CREBZF: variants seen among roughly 807,000 people sequenced by gnomAD.
CREBZF encodes the protein HCF-binding transcription factor Zhangfei.
A neutral mutation model predicts 21.1 loss-of-function variants in CREBZF; 8 were observed. That is an observed-to-expected ratio of 0.38 (90% CI 0.22 to 0.68). The LOEUF is 0.68. Ranked by LOEUF, CREBZF falls within the 30% of genes least tolerant of loss-of-function variation. The probability of loss-of-function intolerance (pLI) is 0.51; values close to 1 mark genes in which losing one functional copy is unlikely to be tolerated. For missense variants in CREBZF, 518 were observed against 484.3 expected, an observed-to-expected ratio of 1.07 and a Z score of -0.65; for synonymous variants, 270 against 223.3, an observed-to-expected ratio of 1.21 and a Z score of -1.86.
At position 85,662,660 on chromosome 11, in the gene CREBZF, T is replaced by A; in HGVS notation, c.*1151A>T. 2 of 408,420 alleles carry A rather than the reference T, an allele frequency of 4.9e-6. No individual in the cohort carries two copies. The highest frequency in any genetic ancestry group is 8.7e-6 in the Non-Finnish European group (2 of 229,238). 25.3% of individuals were successfully genotyped at this position (408,420 alleles called of 1,614,324 possible). A position where few individuals can be genotyped will look rare whatever the true frequency, so the allele number is the denominator to read the frequency against. On this transcript the variant is annotated 3_prime_UTR_variant, in exon 1 of 1. Coordinates refer to ENST00000527447, the MANE Select transcript of CREBZF (RefSeq NM_001039618.4). ...CATTTAAGTGGCCAGAACCACTCAA[T>A]TTAAAAAATTATTTTAAAATAGGAC...
upstream of CREBZF, among the ~76,000 whole-genome samples, chr11:85,669,556 G>GA (rs1426198847): frequency 6.6e-6 from 1 of 152,016 alleles, no homozygotes; most frequent in African/African-American, 2.4e-5. Flanking sequence ...TAGCAAATAG[G>GA]AAAGTTTTAT....
At position 85,680,900 on chromosome 11, in the gene CREBZF, T is replaced by A. The variant is rs116674748; in HGVS notation, n.147+1817A>T. 6.0e-3 allele frequency among the ~76,000 whole-genome samples: 917 copies of A among 152,286 alleles called. 9 individuals carry two copies. Among genetic ancestry groups the A allele is most frequent in the African/African-American group, 0.021 (871 of 41,552 alleles). ...GGCACTATTGATGGTCCATCCAATA[T>A]CCATCCTCCATCATTCCTGCTGGCA... On this transcript the variant is annotated intron_variant and non_coding_transcript_variant, in intron 1 of 3. Transcript: ENST00000531515.
intron 1 of CREBZF, among the ~76,000 whole-genome samples, chr11:85,678,785 T>G (rs2082957262): frequency 6.6e-6 from 1 of 152,256 alleles, no homozygotes; most frequent in Non-Finnish European, 1.5e-5. Context: ...CTTCACCCAC[T>G]AAGACCTAAT....
rs559282029 is a variant in CREBZF, at chr11:85,662,997, A to G, written c.*814T>C. On this transcript the variant is annotated 3_prime_UTR_variant, in exon 1 of 1. Transcript: ENST00000527447. The stretch of plus-strand genomic sequence containing the variant: ...TGTTACTCCATTATAGACTGTTTCT[A>G]TATCTCATACTGAAAACTAAAAGGC... 4 of 161,288 alleles carry G rather than the reference A, an allele frequency of 2.5e-5. No individual in the cohort carries two copies. The highest frequency in any genetic ancestry group is 1.6e-4 in the South Asian group (1 of 6,130). The allele number at this position is 161,288 out of a possible 1,614,324, so 10.0% of individuals were successfully genotyped here.
At chr11:85,676,643 T>C (rs554917577) in intron 1 of CREBZF, among the ~76,000 whole-genome samples, 11 of 152,148 alleles carry the variant, frequency 7.2e-5, no homozygotes, top group African/African-American at 2.7e-4. Flanking sequence ...CACTTTTTTT[T>C]TCTTTTTTTT....
chr11:85,672,150 G>A (rs548850749), intron 1 of CREBZF, among the ~76,000 whole-genome samples: 1 of 152,382 alleles, frequency 6.6e-6, no homozygotes, highest in Admixed American at 6.5e-5. Context: ...CTTGGGGCTT[G>A]CACCCTCTGA....
chr11:85,664,255 T>C lies in CREBZF; in HGVS notation c.621A>G (p.Thr207=), dbSNP rs898256816. Residue 207 remains threonine (T), a synonymous_variant, in exon 1 of 1, where the codon ACA becomes ACG. Coordinates refer to ENST00000527447, the MANE Select transcript of CREBZF (RefSeq NM_001039618.4). The surrounding 1 kb of genome is among the most constrained non-coding windows in gnomAD (Gnocchi z 5.5). ...GSGNDNNQAA[T]KSPRKAAAAA... ...CCGCCGCCGCCTTCCGGGGACTCTT[T>C]GTCGCCGCCTGGTTGTTGTCGTTAC... 2.9e-5 allele frequency: 46 copies of C among 1,612,766 alleles called. No homozygotes were observed. The highest frequency in any genetic ancestry group is 3.6e-5 in the Non-Finnish European group (43 of 1,179,862).
chr11:85,682,688 T>C (rs555969608), intron 1 of CREBZF: 3 of 551,998 alleles, frequency 5.4e-6, no homozygotes, highest in Admixed American at 2.4e-5. Flanking sequence ...TAGACCACAC[T>C]CCAGTACCCG....
chr11:85,658,382 G>A lies in CREBZF; in HGVS notation c.*5429C>T, dbSNP rs192521461. Among the ~76,000 whole-genome samples the A allele has an allele frequency of 1.2e-3, 187 of 152,094 alleles. 1 individual carries two copies. Among genetic ancestry groups the A allele is most frequent in the Non-Finnish European group, 8.8e-5 (6 of 67,890 alleles). Reference sequence around the variant, plus strand: ...TAACCAAAAAGTATTTCTAATATCTGTCCTCTGCCACATATTTTTAAATTA... The same window carrying A: ...TAACCAAAAAGTATTTCTAATATCTATCCTCTGCCACATATTTTTAAATTA... On this transcript the variant is annotated 3_prime_UTR_variant, in exon 1 of 1. Coordinates refer to ENST00000527447, the MANE Select transcript of CREBZF (RefSeq NM_001039618.4).
intron 1 of CREBZF, among the ~76,000 whole-genome samples, chr11:85,680,084 T>C (rs927765745): frequency 1.3e-5 from 2 of 152,180 alleles, no homozygotes; most frequent in East Asian, 1.9e-4. Flanking sequence ...AGAACAACTT[T>C]TTTCCCAATA....
intron 1 of CREBZF, among the ~76,000 whole-genome samples, chr11:85,672,066 G>T (rs184130787): frequency 6.6e-6 from 1 of 152,232 alleles, no homozygotes; most frequent in African/African-American, 2.4e-5. Context: ...CTAAAATCTC[G>T]ATGGAGGTTG....
In CREBZF at chr11:85,682,749, C is replaced by T. The variant is rs2153331111; in HGVS notation, n.115G>A. ...GCCCTCAGCCCGCTTCCAGAACCGTCCGGCCTCTGCCCATGGGACTTCTCC... is the reference window on the plus strand; with the variant it reads ...GCCCTCAGCCCGCTTCCAGAACCGTTCGGCCTCTGCCCATGGGACTTCTCC... On this transcript the variant is annotated non_coding_transcript_exon_variant, in exon 1 of 4. Coordinates refer to the CREBZF transcript ENST00000531515. 3 of 699,720 alleles carry T rather than the reference C, an allele frequency of 4.3e-6. No homozygotes were observed. In the Admixed American group the frequency reaches 6.0e-5, roughly 14 times the overall value. The allele number at this position is 699,720 out of a possible 1,614,324, so 43.3% of individuals were successfully genotyped here.
rs2082739353 is a variant in CREBZF, at chr11:85,663,282, G to A, written c.*529C>T. On this transcript the variant is annotated 3_prime_UTR_variant, in exon 1 of 1. Coordinates refer to ENST00000527447, the MANE Select transcript of CREBZF (RefSeq NM_001039618.4). ...TCCACACTGGGGACAGAAGAGCTAG[G>A]TACACGCAAGTCTGAATAAGGGGAC... The A allele has an allele frequency of 1.8e-6, 1 of 557,610 alleles. No individual in the cohort carries two copies. The highest frequency in any genetic ancestry group is 1.9e-5 in the African/African-American group (1 of 52,974). The allele number at this position is 557,610 out of a possible 1,614,324, so 34.5% of individuals were successfully genotyped here.
intron 1 of CREBZF, among the ~76,000 whole-genome samples, chr11:85,672,186 C>G (rs967155516): frequency 6.6e-6 from 1 of 152,256 alleles, no homozygotes; most frequent in Non-Finnish European, 1.5e-5. Context: ...TGTGCCTTGG[C>G]CTCTTTTAGC....
At chr11:85,675,632 C>T (rs1167977764) in intron 1 of CREBZF, among the ~76,000 whole-genome samples, 1 of 152,088 alleles carries the variant, frequency 6.6e-6, no homozygotes, top group Non-Finnish European at 1.5e-5. Context: ...AAAGTGAACA[C>T]ATGCTGTTGG....
At position 85,661,196 on chromosome 11, in the gene CREBZF, TACACATA is replaced by T. The variant is rs1490995659; in HGVS notation, c.*2608_*2614del. 2 of 152,538 alleles carry T rather than the reference TACACATA, an allele frequency of 1.3e-5. No homozygotes were observed. Among genetic ancestry groups the T allele is most frequent in the African/African-American group, 4.8e-5 (2 of 41,428 alleles). The allele number at this position is 152,538 out of a possible 1,614,324, so 9.4% of individuals were successfully genotyped here. A position where few individuals can be genotyped will look rare whatever the true frequency, so the allele number is the denominator to read the frequency against. ...CCAAACATTTACAGTAAAATGTGCT[TACACATA>T]AATATGACCAAATTTATTTAAAGCC... On this transcript the variant is annotated 3_prime_UTR_variant, in exon 1 of 1. Coordinates refer to ENST00000527447, the MANE Select transcript of CREBZF (RefSeq NM_001039618.4).
chr11:85,682,848 T>C (rs2082986322), exon 1 of CREBZF: 1 of 702,290 alleles, frequency 1.4e-6, no homozygotes, highest in Non-Finnish European at 2.6e-6. Flanking sequence ...GAGCCGAGCT[T>C]GGACGTACAG....
Position 85,664,141 on chromosome 11 carries a change from C to T in CREBZF, c.735G>A (p.Glu245=), listed in dbSNP as rs2082775402. The T allele has an allele frequency of 6.2e-7, 1 of 1,613,570 alleles. No homozygotes were observed. Among genetic ancestry groups the T allele is most frequent in the African/African-American group, 1.3e-5 (1 of 74,940 alleles). ...RVRGLAAENQ[E]LRAENRELGK... is the part of the protein sequence containing the mutation. ...CCAGCTCCCGATTCTCGGCCCGCAGCTCCTGGTTCTCGGCTGCCAGACCCC... is the reference window on the plus strand; with the variant it reads ...CCAGCTCCCGATTCTCGGCCCGCAGTTCCTGGTTCTCGGCTGCCAGACCCC... The change falls in exon 1 of 1, where the codon GAG becomes GAA. Residue 245 remains glutamate, a synonymous_variant. Transcript: ENST00000527447. This position sits in a 1 kb window ranked among gnomAD's most constrained non-coding sequence, Gnocchi z 5.5.
intron 1 of CREBZF, among the ~76,000 whole-genome samples, chr11:85,674,345 A>ATT (rs1432587168): frequency 6.6e-6 from 1 of 152,238 alleles, no homozygotes; most frequent in Non-Finnish European, 1.5e-5. Flanking sequence ...CTGCATTGTC[A>ATT]ATGAGCAGTA....
Sources: gnomAD v4.1 joint callset for allele counts (sites outside exome capture counted in the v4.1 genomes callset) on GRCh38, gnomAD v4.1.1 for gene constraint, Gnocchi (gnomAD v3.1) non-coding constraint, MANE v1.5 for transcripts, NCBI Gene and HGNC (gene_info 2026-07-23, HGNC 2026-07-21) for gene names.